The following FTCDNL1 variants were observed in gnomAD, a reference collection of about 807,000 sequenced individuals.
FTCDNL1 encodes formiminotransferase cyclodeaminase N-terminal like, also known as formiminotransferase N-terminal subdomain-containing protein.
FTCDNL1 carries 11 observed loss-of-function variants against 5.9 expected under a neutral mutation model. The observed-to-expected ratio is 1.87, with a 90% CI of 1.18 to 3.10. The LOEUF (loss-of-function observed/expected upper bound fraction) is 3.10. Among genes scored for constraint, FTCDNL1 ranks in the 30% most tolerant of loss-of-function variants. FTCDNL1 has a pLI of 0.00. For synonymous variants in FTCDNL1, 58 were observed against 24.8 expected, an observed-to-expected ratio of 2.34 and a Z score of -3.99; for missense variants, 115 against 65.5, an observed-to-expected ratio of 1.76 and a Z score of -2.61.
At chr2:199,704,192 A>G in the FTCDNL1 span, among the ~76,000 whole-genome samples, 1 of 152,236 alleles carries the variant, frequency 6.6e-6, no homozygotes, top group Non-Finnish European at 1.5e-5. Context: ...TGTATTTTCC[A>G]ACACATTCTC....
At position 199,778,320 on chromosome 2, in the gene FTCDNL1, C is replaced by T. The variant is rs145676257; in HGVS notation, c.212-17485G>A. On this transcript the variant is annotated intron_variant, in intron 3 of 3. Transcript: ENST00000416668. ...CTAAAATCCAGTACATTTCTAGGTA[C>T]TGAGGAATAAAAAACTGGGAACATG... 3.8e-3 allele frequency among the ~76,000 whole-genome samples: 583 copies of T among 152,236 alleles called. 1 individual carries two copies. The highest frequency in any genetic ancestry group is 3.9e-3 in the Non-Finnish European group (262 of 68,004).
At chr2:199,797,706 T>C (rs1209361050) in intron 3 of FTCDNL1, among the ~76,000 whole-genome samples, 1 of 152,204 alleles carries the variant, frequency 6.6e-6, no homozygotes, top group African/African-American at 2.4e-5. Context: ...GTTTGAGAGA[T>C]TCAGCTAAGT....
At chr2:199,838,488 T>C (rs1702911751) in intron 3 of FTCDNL1, among the ~76,000 whole-genome samples, 1 of 151,776 alleles carries the variant, frequency 6.6e-6, no homozygotes, top group Admixed American at 6.6e-5. Flanking sequence ...CCAACAGAAA[T>C]AAAGAGGAGG....
chr2:199,835,892 C>T (rs989102995), intron 3 of FTCDNL1, among the ~76,000 whole-genome samples: 1 of 152,214 alleles, frequency 6.6e-6, no homozygotes, highest in Admixed American at 6.5e-5. Flanking sequence ...CCCCCTGGGG[C>T]TCCCTTTGTT....
At chr2:199,731,883 G>C in the FTCDNL1 span, among the ~76,000 whole-genome samples, 1 of 147,382 alleles carries the variant, frequency 6.8e-6, no homozygotes, top group Non-Finnish European at 1.5e-5. Context: ...GCGAGACTCC[G>C]TCTCAAAAAA....
chr2:199,802,183 A>G (rs1377230300), intron 3 of FTCDNL1, among the ~76,000 whole-genome samples: 1 of 150,592 alleles, frequency 6.6e-6, no homozygotes. Flanking sequence ...TCGAAATCAT[A>G]CAACCATGTA....
At chr2:199,767,649 C>T (rs943749418) in intron 3 of FTCDNL1, among the ~76,000 whole-genome samples, 3 of 152,162 alleles carry the variant, frequency 2.0e-5, no homozygotes, top group East Asian at 1.9e-4. Context: ...CAGAGAGCTG[C>T]TTGGTCCTTG....
chr2:199,819,595 G>A lies in FTCDNL1; in HGVS notation c.374C>T (p.Pro125Leu), dbSNP rs1417621097. Reference protein sequence around the residue: ...SALQPDLGAAPSQRCGLTACF... With the variant: ...SALQPDLGAALSQRCGLTACF... ...ACCTGTTAAACCACATCTTTGGGAA[G>A]GGGCAGCTCCCAGGTCAGGCTGAAG... Residue 125 changes from proline (P) to leucine (L), a missense_variant, in exon 4 of 5, where the codon CCT becomes CTT. Transcript: ENST00000420128. 4 of 701,792 alleles carry A rather than the reference G, an allele frequency of 5.7e-6. No individual in the cohort carries two copies. The highest frequency in any genetic ancestry group is 1.5e-5 in the South Asian group (1 of 67,580). The allele number at this position is 701,792 out of a possible 1,614,324, so 43.5% of individuals were successfully genotyped here. A position where few individuals can be genotyped will look rare whatever the true frequency, so the allele number is the denominator to read the frequency against.
At chr2:199,742,676 TGAGGAAATCA>T in the FTCDNL1 span, among the ~76,000 whole-genome samples, 1 of 152,214 alleles carries the variant, frequency 6.6e-6, no homozygotes, top group East Asian at 1.9e-4. Flanking sequence ...ATCTTACAGA[TGAGGAAATCA>T]GGCACATAGA....
chr2:199,785,998 T>C (rs1187426735), intron 3 of FTCDNL1, among the ~76,000 whole-genome samples: 1 of 152,172 alleles, frequency 6.6e-6, no homozygotes, highest in Admixed American at 6.5e-5. Flanking sequence ...CAGTTCACAA[T>C]AGAGTTCGTG....
At chr2:199,819,391 G>C (rs972210642) in intron 4 of FTCDNL1, 181 bp downstream of exon 4, 27 of 588,130 alleles carry the variant, frequency 4.6e-5, no homozygotes, top group African/African-American at 4.1e-4. Flanking sequence ...GGAGCTTCTA[G>C]GCTCACAGGT....
the FTCDNL1 span, among the ~76,000 whole-genome samples, chr2:199,723,538 A>G: frequency 6.6e-6 from 1 of 151,880 alleles, no homozygotes; most frequent in Admixed American, 6.6e-5. Context: ...AATGGCTCTT[A>G]TTGTTTTGAA....
intron 3 of FTCDNL1, among the ~76,000 whole-genome samples, chr2:199,841,579 T>C (rs1365236063): frequency 6.6e-6 from 1 of 152,146 alleles, no homozygotes; most frequent in Non-Finnish European, 1.5e-5. Flanking sequence ...TATGTAAACA[T>C]TGTTCACGAT....
the FTCDNL1 span, among the ~76,000 whole-genome samples, chr2:199,669,466 A>G: frequency 6.6e-6 from 1 of 152,116 alleles, no homozygotes; most frequent in Admixed American, 6.6e-5. Context: ...AGTTAGAAAT[A>G]CTGGAACTGA....
At chr2:199,753,430 G>A in the FTCDNL1 span, among the ~76,000 whole-genome samples, 1 of 152,208 alleles carries the variant, frequency 6.6e-6, no homozygotes, top group African/African-American at 2.4e-5. Context: ...ATGGTGCTGA[G>A]GACAGTGCAT....
chr2:199,801,434 C>T (rs1253192611), intron 3 of FTCDNL1, among the ~76,000 whole-genome samples: 5 of 151,950 alleles, frequency 3.3e-5, no homozygotes, highest in Admixed American at 6.6e-5. Context: ...ATTTCTTGAG[C>T]TCAGGAGTTG....
At chr2:199,837,284 A>C (rs1217796366) in intron 3 of FTCDNL1, among the ~76,000 whole-genome samples, 2 of 152,200 alleles carry the variant, frequency 1.3e-5, no homozygotes, top group Admixed American at 1.3e-4. Context: ...TTGTTTTCTA[A>C]GATTTTTCTA....
chr2:199,760,850 A>T (rs1179636462), intron 3 of FTCDNL1: 1 of 702,300 alleles, frequency 1.4e-6, no homozygotes. Context: ...GAATAAGGGA[A>T]GGAGAGATTA....
At chr2:199,802,475 G>T (rs1700507403) in intron 3 of FTCDNL1, among the ~76,000 whole-genome samples, 1 of 152,188 alleles carries the variant, frequency 6.6e-6, no homozygotes, top group Non-Finnish European at 1.5e-5. Context: ...AAAAGTAAAA[G>T]AAATGACCAG....
Sources: allele counts gnomAD v4.1 joint callset (sites outside exome capture counted in the v4.1 genomes callset), GRCh38; gene constraint gnomAD v4.1.1; transcripts MANE v1.5; gene names NCBI Gene and HGNC (gene_info 2026-07-23, HGNC 2026-07-21).